The following EFCAB8 variants were observed in gnomAD, a reference collection of about 807,000 sequenced individuals.
The protein encoded by EFCAB8 is EF-hand calcium-binding domain-containing protein 8.
A neutral mutation model predicts 116.3 loss-of-function variants in EFCAB8; 100 were observed. The ratio of observed to expected loss-of-function variants is 0.86; its 90% CI spans 0.73 to 1.02. EFCAB8 has a LOEUF of 1.02. Among genes scored for constraint, EFCAB8 ranks in the 50% least tolerant of loss-of-function variants. EFCAB8 has a pLI of 0.00. For missense variants in EFCAB8, 1,320 were observed against 1,416.9 expected, an observed-to-expected ratio of 0.93 and a Z score of 1.10; for synonymous variants, 558 against 567.9, an observed-to-expected ratio of 0.98 and a Z score of 0.25.
rs985662428 is a variant in EFCAB8, at chr20:32,907,066, C to T, written c.1308+72C>T. ...ACACTGGCCAGAGAAATGGCATGACCTCCCTGCCCACGGCCCCACATCTGG... is the reference window on the plus strand; with the variant it reads ...ACACTGGCCAGAGAAATGGCATGACTTCCCTGCCCACGGCCCCACATCTGG... On this transcript the variant is annotated intron_variant, in intron 13 of 26. Transcript: ENST00000400522. The T allele has an allele frequency of 1.7e-5, 25 of 1,447,934 alleles. No homozygotes were observed. In the African/African-American group the frequency reaches 3.6e-4, roughly 21 times the overall value. 89.7% of individuals were successfully genotyped at this position (1,447,934 alleles called of 1,614,324 possible). A position where few individuals can be genotyped will look rare whatever the true frequency, so the allele number is the denominator to read the frequency against.
At chr20:32,942,376 A>T (rs902333495) in intron 22 of EFCAB8, among the ~76,000 whole-genome samples, 1 of 152,060 alleles carries the variant, frequency 6.6e-6, no homozygotes, top group Non-Finnish European at 1.5e-5. Flanking sequence ...TCTTTTATAA[A>T]TGTTGTATAA....
chr20:32,872,860 G>T lies in EFCAB8; in HGVS notation c.209-3066G>T, dbSNP rs755371621. Among the ~76,000 whole-genome samples, 16 of 151,124 alleles carry T rather than the reference G, an allele frequency of 1.1e-4. 1 individual carries two copies. The highest frequency in any genetic ancestry group is 1.6e-4 in the Non-Finnish European group (11 of 67,912). The stretch of plus-strand genomic sequence containing the variant: ...TAATCCCAGCATTTTGGGAGGCCGA[G>T]GTGGGCGGATCGCCTGTGGTCAGGA... On this transcript the variant is annotated intron_variant, in intron 3 of 26. Coordinates refer to ENST00000400522, the MANE Select transcript of EFCAB8 (RefSeq NM_001143967.2).
chr20:32,947,350 T>C (rs1600462737), intron 23 of EFCAB8, among the ~76,000 whole-genome samples: 1 of 152,344 alleles, frequency 6.6e-6, no homozygotes, highest in African/African-American at 2.4e-5. Context: ...TGAATAACAC[T>C]ATCAAACAAT....
intron 9 of EFCAB8, 40 bp downstream of exon 9, chr20:32,893,338 T>A (rs1986009047): frequency 1.3e-6 from 2 of 1,550,580 alleles, no homozygotes; most frequent in East Asian, 2.4e-5. Flanking sequence ...GGCCTGGGCA[T>A]GGCCTAGATG....
At chr20:32,862,391 T>C (rs1381247624) in intron 1 of EFCAB8, among the ~76,000 whole-genome samples, 1 of 152,050 alleles carries the variant, frequency 6.6e-6, no homozygotes, top group Admixed American at 6.6e-5. Context: ...GCCTATTTTT[T>C]ATTCCTAATT....
In EFCAB8 at chr20:32,865,524, G is replaced by A. The variant is rs143021059; in HGVS notation, c.42+1690G>A. Among the ~76,000 whole-genome samples the A allele has an allele frequency of 5.7e-3, 873 of 152,084 alleles. 10 individuals are homozygous for A. The highest frequency in any genetic ancestry group is 0.02 in the African/African-American group (833 of 41,468). ...CAGATTTGCTGCCTAGAAGCCAGGCGCAGTGGCCCATATCTGTAATCCCAG... is the reference window on the plus strand; with the variant it reads ...CAGATTTGCTGCCTAGAAGCCAGGCACAGTGGCCCATATCTGTAATCCCAG... On this transcript the variant is annotated intron_variant, in intron 2 of 26. Coordinates refer to ENST00000400522, the MANE Select transcript of EFCAB8 (RefSeq NM_001143967.2).
At position 32,911,502 on chromosome 20, in the gene EFCAB8, G is replaced by A. The variant is rs372610658; in HGVS notation, c.1580G>A (p.Gly527Asp). The A allele has an allele frequency of 1.1e-5, 16 of 1,497,450 alleles. No homozygotes were observed. The highest frequency in any genetic ancestry group is 1.4e-5 in the Non-Finnish European group (16 of 1,116,478). The allele number at this position is 1,497,450 out of a possible 1,614,324, so 92.8% of individuals were successfully genotyped here. Residue 527 changes from glycine (G) to aspartate (D), a missense_variant, in exon 16 of 27, where the codon GGC (glycine) becomes GAC (aspartate). Gly to Asp is a moderately conservative substitution (Grantham distance 94, BLOSUM62 -1). Coordinates refer to ENST00000400522, the MANE Select transcript of EFCAB8 (RefSeq NM_001143967.2). ...CAGGTGGTGAGTGGCTGCCTGCGCG[G>A]CACAGTGAGTGTGTGGGAGGTCGTG... is the stretch of plus-strand genomic sequence containing the variant. ...FKQVVSGCLR[G>D]TVSVWEVVTG...
In EFCAB8 at chr20:32,867,574, C is replaced by G; in HGVS notation, c.43-8C>G. 1 of 1,550,790 alleles carries G rather than the reference C, an allele frequency of 6.4e-7. No individual in the cohort carries two copies. Among genetic ancestry groups the G allele is most frequent in the Non-Finnish European group, 8.7e-7 (1 of 1,146,708 alleles). Reference sequence around the variant, plus strand: ...CTCAGTCCCTGGTTCTTGTTATATTCGTTCCAGCTGTCCATCCCACATGGC... The same window carrying G: ...CTCAGTCCCTGGTTCTTGTTATATTGGTTCCAGCTGTCCATCCCACATGGC... On this transcript the variant is annotated splice_region_variant and splice_polypyrimidine_tract_variant and intron_variant, in intron 2 of 26. Coordinates refer to ENST00000400522, the MANE Select transcript of EFCAB8 (RefSeq NM_001143967.2).
Position 32,958,550 on chromosome 20 carries a change from A to C in EFCAB8, c.3089A>C (p.Gln1030Pro), listed in dbSNP as rs1225517194. 2 of 415,800 alleles carry C rather than the reference A, an allele frequency of 4.8e-6. No homozygotes were observed. The highest frequency in any genetic ancestry group is 4.4e-6 in the Non-Finnish European group (1 of 226,296). 25.8% of individuals were successfully genotyped at this position (415,800 alleles called of 1,614,324 possible). A position where few individuals can be genotyped will look rare whatever the true frequency, so the allele number is the denominator to read the frequency against. Residue 1030 changes from glutamine to proline, a missense_variant and splice_region_variant, in exon 24 of 27, where the codon CAG becomes CCG. Gln to Pro is a moderately conservative substitution (Grantham distance 76). Coordinates refer to ENST00000400522, the MANE Select transcript of EFCAB8 (RefSeq NM_001143967.2). ...TTQKVLHLEL[Q>P]EQRDLAEALI... ...CAGAAGGTCTTACATCTGGAGCTGC[A>C]GTGAGTGAGCACAGCCTGCTTGATC... is the stretch of plus-strand genomic sequence containing the variant.
chr20:32,956,240 A>G (rs1988960991), intron 23 of EFCAB8, among the ~76,000 whole-genome samples: 1 of 152,016 alleles, frequency 6.6e-6, no homozygotes, highest in Admixed American at 6.5e-5. Context: ...TTATTATTAT[A>G]TATTTTATTT....
chr20:32,875,623 G>T (rs1323040074), intron 3 of EFCAB8, among the ~76,000 whole-genome samples: 1 of 150,666 alleles, frequency 6.6e-6, no homozygotes, highest in African/African-American at 2.4e-5. Flanking sequence ...TCCTGCCTCA[G>T]CCTCCCAAGT....
chr20:32,923,366 G>C (rs913398121), intron 20 of EFCAB8, among the ~76,000 whole-genome samples: 45 of 151,652 alleles, frequency 3.0e-4, no homozygotes, highest in African/African-American at 1.0e-3. Context: ...TACTCCTGTA[G>C]TCCCAGCTAG....
chr20:32,862,541 A>C (rs1371405664), intron 1 of EFCAB8, among the ~76,000 whole-genome samples: 1 of 152,022 alleles, frequency 6.6e-6, no homozygotes, highest in East Asian at 1.9e-4. Flanking sequence ...TTTGGTCCTT[A>C]GGTGTGAGCT....
intron 22 of EFCAB8, among the ~76,000 whole-genome samples, chr20:32,939,167 CTTTCTT>C (rs1389945993): frequency 2.2e-5 from 2 of 89,484 alleles, no homozygotes; most frequent in Admixed American, 1.1e-4. Context: ...TTCTTTCTTT[CTTTCTT>C]TCTTTCTTTC....
intron 23 of EFCAB8, 127 bp from the exon 24 acceptor site, chr20:32,958,294 T>G: frequency 2.5e-6 from 1 of 394,914 alleles, no homozygotes; most frequent in Non-Finnish European, 4.6e-6. Context: ...GCACTCAACA[T>G]TTGAGTGAGT....
chr20:32,878,689 T>G lies in EFCAB8; in HGVS notation c.328-15T>G, dbSNP rs913671471. The G allele has an allele frequency of 3.9e-6, 6 of 1,550,132 alleles. No individual in the cohort carries two copies. In the African/African-American group the frequency reaches 5.5e-5, roughly 14 times the overall value. ...TGCCAATACCCTGCCTCCCTTGTGC[T>G]TTCTTTCGAGGCAGCAAAAGTATGT... On this transcript the variant is annotated splice_polypyrimidine_tract_variant and intron_variant, in intron 4 of 26. Coordinates refer to ENST00000400522, the MANE Select transcript of EFCAB8 (RefSeq NM_001143967.2).
intron 14 of EFCAB8, among the ~76,000 whole-genome samples, chr20:32,908,916 A>C (rs1232904354): frequency 6.6e-6 from 1 of 152,222 alleles, no homozygotes; most frequent in Non-Finnish European, 1.5e-5. Context: ...ACTCAGCTGG[A>C]ACCCCTGTGA....
chr20:32,877,207 C>CTTTTTTTTTTTTTTTTTTTTTTTTT (rs757130907), intron 4 of EFCAB8, among the ~76,000 whole-genome samples: 8 of 115,050 alleles, frequency 7.0e-5, no homozygotes, highest in East Asian at 2.2e-4. Context: ...TTATTTCTTT[C>CTTTTTTTTTTTTTTTTTTTTTTTTT]TTTTTTTTTT....
At chr20:32,946,601 A>G (rs1052308599) in intron 23 of EFCAB8, among the ~76,000 whole-genome samples, 2 of 152,150 alleles carry the variant, frequency 1.3e-5, no homozygotes, top group Non-Finnish European at 2.9e-5. Context: ...CCCTAAATAT[A>G]ATATCTAGTG....
Sources: allele counts gnomAD v4.1 joint callset (sites outside exome capture counted in the v4.1 genomes callset), GRCh38; gene constraint gnomAD v4.1.1; transcripts MANE v1.5; gene names NCBI Gene and HGNC (gene_info 2026-07-23, HGNC 2026-07-21).